Variants in NRXN3 observed in about 807,000 individuals in gnomAD.
NRXN3 encodes neurexin 3.
In NRXN3, 32 loss-of-function variants were observed where a neutral mutation model predicts 137.6. The ratio of observed to expected loss-of-function variants is 0.23; its 90% CI spans 0.18 to 0.31. NRXN3 has a LOEUF of 0.31. Ranked by LOEUF, NRXN3 falls within the 10% of genes least tolerant of loss-of-function variation. The probability of loss-of-function intolerance (pLI) is 1.00; values close to 1 mark genes in which losing one functional copy is unlikely to be tolerated. For missense variants in NRXN3, 1,574 were observed against 2,062.5 expected, an observed-to-expected ratio of 0.76 and a Z score of 4.59; for synonymous variants, 798 against 784.5, an observed-to-expected ratio of 1.02 and a Z score of -0.29.
intron 15 of NRXN3, among the ~76,000 whole-genome samples, chr14:79,123,505 A>T (rs1247219748): frequency 6.6e-6 from 1 of 152,186 alleles, no homozygotes; most frequent in African/African-American, 2.4e-5. Flanking sequence ...TGTAGGTTTC[A>T]ATTAAATTCA....
At chr14:79,417,479 G>A (rs1236651699) in intron 15 of NRXN3, among the ~76,000 whole-genome samples, 2 of 152,010 alleles carry the variant, frequency 1.3e-5, no homozygotes, top group Non-Finnish European at 2.9e-5. Context: ...TCCTATTGCT[G>A]CTTTTACTGC....
chr14:78,252,167 T>C (rs1266182427), intron 2 of NRXN3, among the ~76,000 whole-genome samples: 2 of 143,368 alleles, frequency 1.4e-5, no homozygotes, highest in South Asian at 4.3e-4. Flanking sequence ...CTTTTTTTTT[T>C]TTTTAAATCC....
intron 8 of NRXN3, among the ~76,000 whole-genome samples, chr14:78,799,703 A>G (rs1345853546): frequency 6.6e-6 from 1 of 152,242 alleles, no homozygotes; most frequent in Non-Finnish European, 1.5e-5. Context: ...TCACAGTTCC[A>G]TGTGGCTGGG....
intron 8 of NRXN3, among the ~76,000 whole-genome samples, chr14:78,759,987 A>T (rs544611434): frequency 1.7e-4 from 26 of 151,952 alleles, no homozygotes; most frequent in African/African-American, 5.6e-4. Context: ...GCTTGTGCAA[A>T]ATCACATAGT....
intron 2 of NRXN3, among the ~76,000 whole-genome samples, chr14:78,260,421 C>T (rs1227858699): frequency 6.6e-6 from 1 of 152,174 alleles, no homozygotes. Flanking sequence ...AGACTTAGGA[C>T]TTACGCTTCT....
chr14:79,842,309 G>T (rs568831891), intron 20 of NRXN3, among the ~76,000 whole-genome samples: 1 of 152,276 alleles, frequency 6.6e-6, no homozygotes, highest in South Asian at 2.1e-4. Flanking sequence ...AGGCTGGTTC[G>T]TTACTAGGGA....
chr14:78,604,057 A>T (rs576607852), intron 4 of NRXN3, among the ~76,000 whole-genome samples: 1 of 152,332 alleles, frequency 6.6e-6, no homozygotes, highest in South Asian at 2.1e-4. Context: ...GAGCAAAGGG[A>T]TGTCTTACAC....
intron 15 of NRXN3, among the ~76,000 whole-genome samples, chr14:79,152,395 T>C (rs1288563875): frequency 6.6e-6 from 1 of 152,046 alleles, no homozygotes; most frequent in Non-Finnish European, 1.5e-5. Flanking sequence ...GGCTTGGAGT[T>C]ACTGGCAGTC....
At chr14:79,038,084 T>G (rs559186438) in intron 15 of NRXN3, among the ~76,000 whole-genome samples, 69 of 152,270 alleles carry the variant, frequency 4.5e-4, no homozygotes, top group South Asian at 3.5e-3. Flanking sequence ...ATCCATGTAA[T>G]TATTAATGTC....
intron 4 of NRXN3, among the ~76,000 whole-genome samples, chr14:78,336,212 G>A (rs2081447645): frequency 6.6e-6 from 1 of 152,158 alleles, no homozygotes; most frequent in Admixed American, 6.5e-5. Context: ...AAGAATTCCT[G>A]TATTTGACTT....
chr14:79,018,435 C>T (rs1426791209), intron 15 of NRXN3, among the ~76,000 whole-genome samples: 2 of 152,084 alleles, frequency 1.3e-5, no homozygotes, highest in Non-Finnish European at 2.9e-5. Context: ...CCTGCCACTT[C>T]TACATGCATT....
chr14:79,023,670 ATCT>A (rs766389915), intron 15 of NRXN3, among the ~76,000 whole-genome samples: 1 of 152,150 alleles, frequency 6.6e-6, no homozygotes, highest in Non-Finnish European at 1.5e-5. Context: ...GAAGAAAGGC[ATCT>A]TCTTCACAAG....
chr14:79,183,973 C>G (rs1232319197), intron 15 of NRXN3, among the ~76,000 whole-genome samples: 1 of 152,186 alleles, frequency 6.6e-6, no homozygotes, highest in African/African-American at 2.4e-5. Context: ...CACAGAGAGT[C>G]TTTCCACAAT....
At chr14:78,781,019 A>G (rs1230960205) in intron 8 of NRXN3, among the ~76,000 whole-genome samples, 1 of 152,204 alleles carries the variant, frequency 6.6e-6, no homozygotes, top group African/African-American at 2.4e-5. Context: ...GTGAAAAAAA[A>G]TCTAAATCAG....
chr14:79,384,798 T>G (rs939746597), intron 15 of NRXN3, among the ~76,000 whole-genome samples: 1 of 152,164 alleles, frequency 6.6e-6, no homozygotes, highest in Non-Finnish European at 1.5e-5. Context: ...ATCCATAAAA[T>G]GAGGGTAATA....
chr14:79,545,612 T>C (rs1643453845), intron 16 of NRXN3, among the ~76,000 whole-genome samples: 1 of 152,038 alleles, frequency 6.6e-6, no homozygotes, highest in African/African-American at 2.4e-5. Flanking sequence ...ATTGTATCTT[T>C]CATGGGGGAG....
At chr14:78,628,784 T>C (rs766108849) in intron 4 of NRXN3, among the ~76,000 whole-genome samples, 7 of 152,210 alleles carry the variant, frequency 4.6e-5, no homozygotes, top group Non-Finnish European at 1.0e-4. Flanking sequence ...AAAGAACCAC[T>C]GTCCAGGCTA....
At chr14:79,466,328 C>T (rs1431837006) in intron 15 of NRXN3, among the ~76,000 whole-genome samples, 2 of 152,194 alleles carry the variant, frequency 1.3e-5, no homozygotes, top group African/African-American at 4.8e-5. Flanking sequence ...TGGCTCACGC[C>T]TGTAATCTCA....
chr14:78,508,411 T>C (rs2096038649), intron 4 of NRXN3, among the ~76,000 whole-genome samples: 1 of 152,228 alleles, frequency 6.6e-6, no homozygotes, highest in Non-Finnish European at 1.5e-5. Flanking sequence ...TTTATTTGCA[T>C]TATTACTTGA....
Sources: gnomAD v4.1 joint callset for allele counts (sites outside exome capture counted in the v4.1 genomes callset) on GRCh38, gnomAD v4.1.1 for gene constraint, MANE v1.5 for transcripts, NCBI Gene and HGNC (gene_info 2026-07-23, HGNC 2026-07-21) for gene names.